Variants in NOS3 observed in about 807,000 individuals in gnomAD.
The protein encoded by NOS3 is nitric oxide synthase 3.
Under a neutral mutation model 144.9 loss-of-function variants are expected in NOS3, and 98 were observed. That is an observed-to-expected ratio of 0.68 (90% CI 0.57 to 0.80). The LOEUF (loss-of-function observed/expected upper bound fraction) is 0.80, where lower values mean the gene tolerates loss of function less well. Among genes scored for constraint, NOS3 ranks in the 30% least tolerant of loss-of-function variants. NOS3 has a pLI of 0.00. For synonymous variants in NOS3, 714 were observed against 702.4 expected, an observed-to-expected ratio of 1.02 and a Z score of -0.26; for missense variants, 1,465 against 1,656.4, an observed-to-expected ratio of 0.88 and a Z score of 2.01.
Position 150,998,245 on chromosome 7 carries a change from C to T in NOS3, c.583-112C>T, listed in dbSNP as rs1443727993. On this transcript the variant is annotated intron_variant, in intron 5 of 26. Coordinates refer to ENST00000297494, the MANE Select transcript of NOS3 (RefSeq NM_000603.5). The surrounding 1 kb of genome is among the most constrained non-coding windows in gnomAD (Gnocchi z 5.0). ...TGGCTGCCAATGGTCAGGAGGGCGC[C>T]ATGGAGTGAACCATGGCCCCTGCCT... 11 of 895,236 alleles carry T rather than the reference C, an allele frequency of 1.2e-5. No homozygotes were observed. The highest frequency in any genetic ancestry group is 1.7e-5 in the Non-Finnish European group (10 of 573,510). 55.5% of individuals were successfully genotyped at this position (895,236 alleles called of 1,614,324 possible).
At position 151,006,459 on chromosome 7, in the gene NOS3, C is replaced by G; in HGVS notation, c.1785C>G (p.Gly595=). ...SFAAALMEMS[G]PYNSSPRPEQ... Reference sequence around the variant, plus strand: ...CAGCTGCCCTGATGGAGATGTCCGGCCCCTACAACAGCTCCCCTCGGCCGG... The same window carrying G: ...CAGCTGCCCTGATGGAGATGTCCGGGCCCTACAACAGCTCCCCTCGGCCGG... Residue 595 remains glycine, a synonymous_variant, in exon 15 of 27, where the codon GGC becomes GGG. Transcript: ENST00000297494. The G allele has an allele frequency of 6.2e-7, 1 of 1,613,928 alleles. No homozygotes were observed. Among genetic ancestry groups the G allele is most frequent in the Non-Finnish European group, 8.5e-7 (1 of 1,179,952 alleles).
At chr7:151,011,886 C>T (rs1003837330) in intron 23 of NOS3, 7 of 410,668 alleles carry the variant, frequency 1.7e-5, no homozygotes, top group Non-Finnish European at 2.9e-5. Context: ...TGCCCGCTCT[C>T]GCAGCCAGGA....
At chr7:151,007,403 C>G (rs960647733) in intron 17 of NOS3, 127 bp downstream of exon 17, 23 of 1,079,820 alleles carry the variant, frequency 2.1e-5, no homozygotes, top group Non-Finnish European at 3.0e-5. Context: ...CCTCATCTCT[C>G]CATGGCATAG....
Position 151,010,893 on chromosome 7 carries a change from C to A in NOS3, c.2897-6C>A, listed in dbSNP as rs1481406393. On this transcript the variant is annotated splice_polypyrimidine_tract_variant and splice_region_variant and intron_variant, in intron 22 of 26. Transcript: ENST00000297494. The stretch of plus-strand genomic sequence containing the variant: ...CCCCTCACCGGCCTCTCCTTCCCAC[C>A]CCCAGATGGGCTGGGCCCCCTGCAC... 2 of 1,613,104 alleles carry A rather than the reference C, an allele frequency of 1.2e-6. No individual in the cohort carries two copies. Among genetic ancestry groups the A allele is most frequent in the East Asian group, 2.2e-5 (1 of 44,864 alleles).
chr7:151,011,761 C>A (rs1270899526), intron 23 of NOS3: 4 of 369,096 alleles, frequency 1.1e-5, no homozygotes, highest in African/African-American at 2.2e-5. Flanking sequence ...CCTGACCTCA[C>A]GATCCTCCCA....
rs184091407 is a variant in NOS3, at chr7:151,012,960, G to A, written c.3107-271G>A. ...GACTGCGATGTCACACAATGCAAAG[G>A]GCATGGAATTCTGAGTCCGAAGCCG... On this transcript the variant is annotated intron_variant, in intron 24 of 26. Coordinates refer to ENST00000297494, the MANE Select transcript of NOS3 (RefSeq NM_000603.5). 1.8e-4 allele frequency: 93 copies of A among 509,350 alleles called. 1 individual carries two copies. The highest frequency in any genetic ancestry group is 1.5e-3 in the African/African-American group (78 of 51,192). The allele number at this position is 509,350 out of a possible 1,614,324, so 31.6% of individuals were successfully genotyped here. A position where few individuals can be genotyped will look rare whatever the true frequency, so the allele number is the denominator to read the frequency against.
chr7:151,002,166 A>T lies in NOS3; in HGVS notation c.1648-34A>T. ...GAGGAGGGCAGGGCCTCCGGGGGCC[A>T]CAGCACCCAGGACATCTGTCTTCCC... On this transcript the variant is annotated intron_variant, in intron 13 of 26. Transcript: ENST00000297494. This position sits in a 1 kb window ranked among gnomAD's most constrained non-coding sequence, Gnocchi z 4.1. The T allele has an allele frequency of 6.8e-7, 1 of 1,481,152 alleles. No individual in the cohort carries two copies. Among genetic ancestry groups the T allele is most frequent in the Non-Finnish European group, 9.3e-7 (1 of 1,075,206 alleles). 91.8% of individuals were successfully genotyped at this position (1,481,152 alleles called of 1,614,324 possible).
chr7:151,013,429 G>A, intron 25 of NOS3, 50 bp downstream of exon 25: 9 of 1,567,370 alleles, frequency 5.7e-6, no homozygotes, highest in Non-Finnish European at 7.8e-6. Context: ...GGAGAGAGGG[G>A]AGGACTCGCG....
intron 14 of NOS3, among the ~76,000 whole-genome samples, chr7:151,005,250 G>A (rs986599738): frequency 5.3e-5 from 8 of 152,220 alleles, no homozygotes; most frequent in African/African-American, 1.4e-4. Flanking sequence ...TGTGTTGCAC[G>A]TTGACAAAAC....
chr7:151,006,561 G>A, intron 15 of NOS3, 67 bp downstream of exon 15: 1 of 1,327,038 alleles, frequency 7.5e-7, no homozygotes, highest in South Asian at 1.2e-5. Context: ...ACAGAAAGGG[G>A]GTCTGAAAAG....
Position 150,998,519 on chromosome 7 carries a change from TC to T in NOS3, c.675-19del. The T allele has an allele frequency of 1.2e-6, 2 of 1,611,082 alleles. No homozygotes were observed. Among genetic ancestry groups the T allele is most frequent in the Non-Finnish European group, 1.7e-6 (2 of 1,179,330 alleles). On this transcript the variant is annotated intron_variant, in intron 6 of 26. Coordinates refer to ENST00000297494, the MANE Select transcript of NOS3 (RefSeq NM_000603.5). The surrounding 1 kb of genome is among the most constrained non-coding windows in gnomAD (Gnocchi z 5.0). Reference sequence around the variant, plus strand: ...CAGGGAAGGCGGGGCTCTGACCAGCTCTTTCCCCATGCGTGCCAGCTCGGCC... The same window carrying T: ...CAGGGAAGGCGGGGCTCTGACCAGCTTTTCCCCATGCGTGCCAGCTCGGCC...
At chr7:151,001,989 G>C (rs200140102) in intron 13 of NOS3, 24 bp downstream of exon 13, 2 of 1,612,240 alleles carry the variant, frequency 1.2e-6, no homozygotes, top group African/African-American at 2.7e-5. Flanking sequence ...CAGGGGAGCA[G>C]GGAGCTAGAA....
Position 151,014,442 on chromosome 7 carries a change from T to G in NOS3, c.*273T>G, listed in dbSNP as rs1226590873. On this transcript the variant is annotated 3_prime_UTR_variant, in exon 27 of 27. Coordinates refer to ENST00000297494, the MANE Select transcript of NOS3 (RefSeq NM_000603.5). ...CTACTGCCACCCGCTTCCTGTTTCTTAGTCGAATGTTAGATTCCTCTTGCC... is the reference window on the plus strand; with the variant it reads ...CTACTGCCACCCGCTTCCTGTTTCTGAGTCGAATGTTAGATTCCTCTTGCC... The G allele has an allele frequency of 4.3e-6, 2 of 460,946 alleles. No individual in the cohort carries two copies. The highest frequency in any genetic ancestry group is 3.8e-5 in the Admixed American group (1 of 26,168). The allele number at this position is 460,946 out of a possible 1,614,324, so 28.6% of individuals were successfully genotyped here.
chr7:151,012,081 GTCTT>G (rs780984324), intron 23 of NOS3: 1 of 418,530 alleles, frequency 2.4e-6, no homozygotes. Flanking sequence ...AACTGAAAGT[GTCTT>G]TCACCCTTCC....
chr7:151,000,522 G>T lies in NOS3; in HGVS notation c.1156G>T (p.Asp386Tyr). ...LEDVAVCMDL[D>Y]TRTTSSLWKD... ...GGATGTGGCTGTCTGCATGGACCTGGATACCCGGACCACCTCGTCCCTGTG... is the reference window on the plus strand; with the variant it reads ...GGATGTGGCTGTCTGCATGGACCTGTATACCCGGACCACCTCGTCCCTGTG... The change falls in exon 10 of 27, where the codon GAT becomes TAT. Residue 386 changes from aspartate (D) to tyrosine (Y), a missense_variant. Coordinates refer to ENST00000297494, the MANE Select transcript of NOS3 (RefSeq NM_000603.5). 1 of 1,613,438 alleles carries T rather than the reference G, an allele frequency of 6.2e-7. No homozygotes were observed. Among genetic ancestry groups the T allele is most frequent in the Non-Finnish European group, 8.5e-7 (1 of 1,179,770 alleles).
At chr7:150,994,567 C>T (rs1483563868) in intron 2 of NOS3, among the ~76,000 whole-genome samples, 2 of 152,104 alleles carry the variant, frequency 1.3e-5, no homozygotes, top group African/African-American at 2.4e-5. Flanking sequence ...AGAGTCCTCC[C>T]GGGGGTAGAG....
chr7:151,008,546 C>T (rs552799938), intron 17 of NOS3, among the ~76,000 whole-genome samples: 2 of 152,312 alleles, frequency 1.3e-5, no homozygotes, highest in South Asian at 4.1e-4. Context: ...TTCACCAGAA[C>T]ACAATGAGGT....
Position 150,996,473 on chromosome 7 carries a change from TC to T in NOS3, c.345del (p.Gly116AlafsTer9). 6.3e-7 allele frequency: 1 copy of T among 1,588,366 alleles called. No individual in the cohort carries two copies. Among genetic ancestry groups the T allele is most frequent in the Non-Finnish European group, 8.6e-7 (1 of 1,168,644 alleles). ...VFPRKLQGRP[S>X]PGPPAPEQLL... ...TCCACGGAAACTACAGGGCCGGCCCTCCCCCGGCCCCCCGGCCCCTGAGCAG... is the reference window on the plus strand; with the variant it reads ...TCCACGGAAACTACAGGGCCGGCCCTCCCCGGCCCCCCGGCCCCTGAGCAG... On this transcript the variant is annotated frameshift_variant, in exon 4 of 27. Coordinates refer to ENST00000297494, the MANE Select transcript of NOS3 (RefSeq NM_000603.5). LOFTEE classifies it high-confidence loss of function.
chr7:151,012,237 A>ATT, intron 23 of NOS3, 114 bp from the exon 24 acceptor site: 4 of 803,786 alleles, frequency 5.0e-6, no homozygotes, highest in Admixed American at 3.5e-5. Flanking sequence ...TTTTTTTTTA[A>ATT]TTTTTTTTTG....
Sources: gnomAD v4.1 joint callset for allele counts (sites outside exome capture counted in the v4.1 genomes callset) on GRCh38, gnomAD v4.1.1 for gene constraint, Gnocchi (gnomAD v3.1) non-coding constraint, MANE v1.5 for transcripts, NCBI Gene and HGNC (gene_info 2026-07-23, HGNC 2026-07-21) for gene names.